ASAP1: variants seen among roughly 807,000 people sequenced by gnomAD.
ASAP1 encodes arf-GAP with SH3 domain, ANK repeat and PH domain-containing protein 1.
ASAP1 carries 43 observed loss-of-function variants against 145.2 expected under a neutral mutation model. That is an observed-to-expected ratio of 0.30 (90% CI 0.23 to 0.38). ASAP1 has a LOEUF of 0.38. Ranked by LOEUF, ASAP1 falls within the 10% of genes least tolerant of loss-of-function variation. The probability of loss-of-function intolerance (pLI) is 1.00; values close to 1 mark genes in which losing one functional copy is unlikely to be tolerated. For synonymous variants in ASAP1, 546 were observed against 515.5 expected, an observed-to-expected ratio of 1.06 and a Z score of -0.80; for missense variants, 1,018 against 1,355.3, an observed-to-expected ratio of 0.75 and a Z score of 3.91.
chr8:130,167,582 G>A lies in ASAP1; in HGVS notation c.863C>T (p.Ala288Val). 1 of 1,613,382 alleles carries A rather than the reference G, an allele frequency of 6.2e-7. No homozygotes were observed. Among genetic ancestry groups the A allele is most frequent in the Non-Finnish European group, 8.5e-7 (1 of 1,179,458 alleles). Residue 288 changes from alanine (A) to valine (V), a missense_variant, in exon 11 of 30, where the codon GCA (alanine) becomes GTA (valine). By Grantham distance (64) the Ala-to-Val change is moderately conservative. Coordinates refer to ENST00000518721, the MANE Select transcript of ASAP1 (RefSeq NM_018482.4). ...TQDEEKKQLTALRDLIKSSLQ... is the reference protein window; with the variant it reads ...TQDEEKKQLTVLRDLIKSSLQ... ...AGAGGATTTTATTAAGTCTCGGAGT[G>A]CAGTTAGCTGTTTCTTTTCTTCATC...
chr8:130,315,399 A>C (rs1823606132), intron 3 of ASAP1, among the ~76,000 whole-genome samples: 1 of 152,184 alleles, frequency 6.6e-6, no homozygotes, highest in Non-Finnish European at 1.5e-5. Context: ...GGGTCCCAGG[A>C]AATAAGAGCT....
At chr8:130,279,846 C>T (rs1021582256) in intron 3 of ASAP1, among the ~76,000 whole-genome samples, 2 of 152,156 alleles carry the variant, frequency 1.3e-5, no homozygotes, top group Non-Finnish European at 2.9e-5. Context: ...ATAACTAAAG[C>T]GACCCTGAGC....
chr8:130,072,830 C>CGCGCGCGCGCGCGCGCGCGCGCGCGCGCG (rs1448184178), intron 27 of ASAP1, among the ~76,000 whole-genome samples: 1 of 31,922 alleles, frequency 3.1e-5, no homozygotes, highest in African/African-American at 2.0e-4. Flanking sequence ...TGTGTGCGCG[C>CGCGCGCGCGCGCGCGCGCGCGCGCGCGCG]GGGGGGGGGC....
intron 12 of ASAP1, among the ~76,000 whole-genome samples, chr8:130,155,622 C>T (rs560281207): frequency 1.3e-5 from 2 of 152,352 alleles, no homozygotes; most frequent in East Asian, 1.9e-4. Flanking sequence ...GTTGGGATTA[C>T]AGGCATGAGC....
intron 4 of ASAP1, 105 bp downstream of exon 4, chr8:130,236,817 C>T: frequency 3.7e-6 from 3 of 811,650 alleles, no homozygotes; most frequent in Middle Eastern, 3.9e-4. Context: ...CTTACTTTTC[C>T]ATTTGTGTCA....
Position 130,421,941 on chromosome 8 carries a change from A to G in ASAP1, c.-27-19971T>C, listed in dbSNP as rs1021870727. Among the ~76,000 whole-genome samples, 3 of 152,216 alleles carry G rather than the reference A, an allele frequency of 2.0e-5. No individual in the cohort carries two copies. In the East Asian group the frequency reaches 5.8e-4, roughly 29 times the overall value. On this transcript the variant is annotated intron_variant, in intron 1 of 29. Coordinates refer to ENST00000518721, the MANE Select transcript of ASAP1 (RefSeq NM_018482.4). ...AATCCTGTGAGTTCCAAATAAACATAATATAAGAATATCTGCTCTCAGAAA... is the reference window on the plus strand; with the variant it reads ...AATCCTGTGAGTTCCAAATAAACATGATATAAGAATATCTGCTCTCAGAAA...
chr8:130,206,929 T>C (rs777511115), intron 5 of ASAP1, among the ~76,000 whole-genome samples: 1 of 151,952 alleles, frequency 6.6e-6, no homozygotes, highest in Admixed American at 6.6e-5. Context: ...ATGCCAGGAG[T>C]AGAGCAGACC....
intron 3 of ASAP1, among the ~76,000 whole-genome samples, chr8:130,325,013 T>G (rs1586832794): frequency 2.0e-5 from 3 of 152,158 alleles, no homozygotes; most frequent in Non-Finnish European, 4.4e-5. Flanking sequence ...CCGGCAGCCC[T>G]GCTTGCAGGC....
intron 23 of ASAP1, among the ~76,000 whole-genome samples, chr8:130,112,702 C>G (rs2097548806): frequency 6.6e-6 from 1 of 152,202 alleles, no homozygotes; most frequent in Non-Finnish European, 1.5e-5. Context: ...GTTTTGTTCC[C>G]TGCTCAACCC....
chr8:130,384,629 C>T (rs1362207530), intron 2 of ASAP1, among the ~76,000 whole-genome samples: 6 of 152,124 alleles, frequency 3.9e-5, no homozygotes, highest in East Asian at 3.9e-4. Flanking sequence ...CACAGGCGCC[C>T]GCCACCATGC....
chr8:130,264,607 C>A (rs1820132174), intron 3 of ASAP1, among the ~76,000 whole-genome samples: 1 of 152,168 alleles, frequency 6.6e-6, no homozygotes, highest in Non-Finnish European at 1.5e-5. Context: ...TAACTGTATT[C>A]TTGAAATGTT....
At chr8:130,441,092 TAAAAG>T (rs1047453845) in intron 1 of ASAP1, among the ~76,000 whole-genome samples, 10 of 152,116 alleles carry the variant, frequency 6.6e-5, no homozygotes, top group Admixed American at 6.5e-4. Context: ...ATTGATGAAT[TAAAAG>T]AGAAAGTGTG....
At chr8:130,212,503 CAG>C (rs1565095017) in intron 5 of ASAP1, among the ~76,000 whole-genome samples, 1 of 152,106 alleles carries the variant, frequency 6.6e-6, no homozygotes, top group Non-Finnish European at 1.5e-5. Flanking sequence ...GGTTCAGAGA[CAG>C]AATGTTTGGG....
At chr8:130,269,990 C>A (rs554072010) in intron 3 of ASAP1, among the ~76,000 whole-genome samples, 4 of 151,944 alleles carry the variant, frequency 2.6e-5, no homozygotes, top group African/African-American at 4.8e-5. Flanking sequence ...GCTAACATGG[C>A]GAAACCTCAT....
intron 5 of ASAP1, among the ~76,000 whole-genome samples, chr8:130,199,522 T>C (rs1266524904): frequency 6.6e-6 from 1 of 152,178 alleles, no homozygotes; most frequent in Non-Finnish European, 1.5e-5. Context: ...ATCCTGCAGC[T>C]GTTAGGCTTT....
chr8:130,186,632 T>C (rs1450586398), intron 7 of ASAP1, among the ~76,000 whole-genome samples: 1 of 152,182 alleles, frequency 6.6e-6, no homozygotes, highest in South Asian at 2.1e-4. Flanking sequence ...CTGACTTCAG[T>C]GCCCATGCTA....
At chr8:130,294,493 GCA>G (rs1822139646) in intron 3 of ASAP1, among the ~76,000 whole-genome samples, 1 of 152,234 alleles carries the variant, frequency 6.6e-6, no homozygotes, top group African/African-American at 2.4e-5. Context: ...ATGTCCAGCT[GCA>G]CAGTGACCTT....
intron 1 of ASAP1, among the ~76,000 whole-genome samples, chr8:130,411,751 C>T (rs1291154451): frequency 1.3e-5 from 2 of 152,206 alleles, no homozygotes; most frequent in Non-Finnish European, 2.9e-5. Context: ...ATGACATCTG[C>T]AGCCCAGGGG....
chr8:130,317,142 T>C (rs1471632961), intron 3 of ASAP1, among the ~76,000 whole-genome samples: 2 of 152,086 alleles, frequency 1.3e-5, no homozygotes, highest in Non-Finnish European at 2.9e-5. Context: ...TTTAGGAAAG[T>C]ACCACAAATA....
Sources: allele counts gnomAD v4.1 joint callset (sites outside exome capture counted in the v4.1 genomes callset), GRCh38; gene constraint gnomAD v4.1.1; transcripts MANE v1.5; gene names NCBI Gene and HGNC (gene_info 2026-07-23, HGNC 2026-07-21).